Variants in GRAP2 observed in about 807,000 individuals in gnomAD.
GRAP2 encodes GRB2 related adaptor protein 2, also known as GRB2-related adapter protein 2.
In GRAP2, 31 loss-of-function variants were observed where a neutral mutation model predicts 43.5. The ratio of observed to expected loss-of-function variants is 0.71; its 90% CI spans 0.54 to 0.96. The LOEUF (loss-of-function observed/expected upper bound fraction) is 0.96, where lower values mean the gene tolerates loss of function less well. Among genes scored for constraint, GRAP2 ranks in the 40% least tolerant of loss-of-function variants. The pLI, the probability that GRAP2 is intolerant of heterozygous loss-of-function variation, is 0.00. For missense variants in GRAP2, 371 were observed against 424.4 expected (o/e 0.87, Z 1.11); for synonymous variants, 156 against 164.8 (o/e 0.95, Z 0.41).
intron 4 of GRAP2, chr22:39,964,309 A>G (rs1017527098): frequency 1.5e-6 from 1 of 679,684 alleles, no homozygotes; most frequent in Middle Eastern, 3.8e-4. Flanking sequence ...GACTGGCAAC[A>G]AAAGGTGCTG....
rs540532395 is a variant in GRAP2 at position 39,973,597 on chromosome 22, A to G, written c.*2513A>G. On this transcript the variant is annotated 3_prime_UTR_variant, in exon 8 of 8. Transcript: ENST00000344138. ...AGGAAGCGGGAAAGTCACCCAAACC[A>G]CCTACAAGGAATGAGGGCTCTTAGC... 1 of 152,362 alleles carries G rather than the reference A, an allele frequency of 6.6e-6. No homozygotes were observed. Among genetic ancestry groups the G allele is most frequent in the Non-Finnish European group, 1.5e-5 (1 of 68,072 alleles). The allele number at this position is 152,362 out of a possible 1,614,324, so 9.4% of individuals were successfully genotyped here. A position where few individuals can be genotyped will look rare whatever the true frequency, so the allele number is the denominator to read the frequency against.
chr22:39,919,284 TTACTTC>T (rs1265755263), intron 1 of GRAP2, among the ~76,000 whole-genome samples: 1 of 152,218 alleles, frequency 6.6e-6, no homozygotes, highest in Non-Finnish European at 1.5e-5. Flanking sequence ...ACTTTTCATT[TTACTTC>T]TATTTCTAAG....
intron 1 of GRAP2, among the ~76,000 whole-genome samples, chr22:39,938,334 AT>A (rs976232083): frequency 3.3e-5 from 5 of 152,246 alleles, no homozygotes; most frequent in African/African-American, 1.2e-4. Flanking sequence ...GATATAAGGG[AT>A]TTAAAAGGAC....
At chr22:39,926,532 A>G (rs2066701009) in intron 1 of GRAP2, 1 of 848,244 alleles carries the variant, frequency 1.2e-6, no homozygotes, top group African/African-American at 1.8e-5. Flanking sequence ...AGAACAAAAG[A>G]ACCTTGAGCA....
At chr22:39,927,554 T>C (rs972827374) in intron 1 of GRAP2, among the ~76,000 whole-genome samples, 3 of 152,168 alleles carry the variant, frequency 2.0e-5, no homozygotes, top group Admixed American at 6.5e-5. Context: ...CTCAAACAAA[T>C]GGTCAGGATC....
At chr22:39,931,244 C>CT (rs1294354188) in intron 1 of GRAP2, among the ~76,000 whole-genome samples, 1 of 152,144 alleles carries the variant, frequency 6.6e-6, no homozygotes, top group African/African-American at 2.4e-5. Context: ...AGCAGAAAAT[C>CT]TGAAAACGAA....
At chr22:39,911,442 G>A (rs1312980503) in intron 1 of GRAP2, among the ~76,000 whole-genome samples, 2 of 151,478 alleles carry the variant, frequency 1.3e-5, no homozygotes, top group Admixed American at 1.3e-4. Flanking sequence ...GGACTACAAA[G>A]ATCTTATAGT....
At chr22:39,907,031 T>C (rs1292086881) in intron 1 of GRAP2, among the ~76,000 whole-genome samples, 2 of 152,132 alleles carry the variant, frequency 1.3e-5, no homozygotes, top group Non-Finnish European at 2.9e-5. Context: ...CTGAAAAGGC[T>C]CTCCTCCGCT....
intron 1 of GRAP2, among the ~76,000 whole-genome samples, chr22:39,924,366 G>A (rs1213141647): frequency 6.6e-6 from 1 of 152,100 alleles, no homozygotes; most frequent in East Asian, 1.9e-4. Flanking sequence ...TCATCACCAC[G>A]GTCGTACTTT....
Position 39,915,805 on chromosome 22 carries a change from G to A in GRAP2, c.-15+14475G>A, listed in dbSNP as rs145886454. ...TGACTTTAGGGTTTAAAAAGCAGCTGGATGATATGTAAAAATTCAAGGCTC... is the reference window on the plus strand; with the variant it reads ...TGACTTTAGGGTTTAAAAAGCAGCTAGATGATATGTAAAAATTCAAGGCTC... On this transcript the variant is annotated intron_variant, in intron 1 of 7. Coordinates refer to ENST00000344138, the MANE Select transcript of GRAP2 (RefSeq NM_004810.4). Among the ~76,000 whole-genome samples the A allele has an allele frequency of 2.5e-3, 386 of 152,248 alleles. 1 individual carries two copies. Among genetic ancestry groups the A allele is most frequent in the Middle Eastern group, 6.8e-3 (2 of 294 alleles).
intron 1 of GRAP2, among the ~76,000 whole-genome samples, chr22:39,901,909 T>C (rs1411305312): frequency 6.6e-6 from 1 of 152,260 alleles, no homozygotes; most frequent in Admixed American, 6.5e-5. Context: ...TATGACTGTC[T>C]CTGGTTTAGG....
chr22:39,901,301 A>G lies in GRAP2; in HGVS notation c.-44A>G. On this transcript the variant is annotated 5_prime_UTR_variant, in exon 1 of 8. Coordinates refer to ENST00000344138, the MANE Select transcript of GRAP2 (RefSeq NM_004810.4). The stretch of plus-strand genomic sequence containing the variant: ...CTAATAACTCGGTGTCAAAGCCAAG[A>G]CATAAACTCAACCCCTTCTCTTCCA... 7.9e-7 allele frequency: 1 copy of G among 1,271,348 alleles called. No individual in the cohort carries two copies. The highest frequency in any genetic ancestry group is 1.0e-6 in the Non-Finnish European group (1 of 972,432). The allele number at this position is 1,271,348 out of a possible 1,614,324, so 78.8% of individuals were successfully genotyped here.
chr22:39,922,099 G>A (rs766747938), intron 1 of GRAP2, among the ~76,000 whole-genome samples: 4 of 152,206 alleles, frequency 2.6e-5, no homozygotes, highest in Admixed American at 6.5e-5. Context: ...TTTACTAAGT[G>A]ACTGCTGTAT....
intron 4 of GRAP2, among the ~76,000 whole-genome samples, chr22:39,961,102 C>T (rs996660023): frequency 3.0e-4 from 46 of 152,194 alleles, no homozygotes; most frequent in African/African-American, 1.1e-3. Flanking sequence ...CACACCACCA[C>T]ACCTGGCTAA....
chr22:39,954,406 T>A lies in GRAP2; in HGVS notation c.79-1413T>A, dbSNP rs1025268443. Among the ~76,000 whole-genome samples, 18 of 151,176 alleles carry A rather than the reference T, an allele frequency of 1.2e-4. No homozygotes were observed. The East Asian group carries it at 1.4e-3, about 11-fold the overall frequency. ...GTCTATATCAAAGACTTAAAAAAAATTTTTTTTTTGAGAGAGGCTTGCTCT... is the reference window on the plus strand; with the variant it reads ...GTCTATATCAAAGACTTAAAAAAAAATTTTTTTTTGAGAGAGGCTTGCTCT... On this transcript the variant is annotated intron_variant, in intron 2 of 7. Coordinates refer to ENST00000344138, the MANE Select transcript of GRAP2 (RefSeq NM_004810.4).
At chr22:39,914,357 A>G (rs951325001) in intron 1 of GRAP2, among the ~76,000 whole-genome samples, 1 of 152,122 alleles carries the variant, frequency 6.6e-6, no homozygotes, top group African/African-American at 2.4e-5. Flanking sequence ...TTTCACTGTG[A>G]CCCTCACCTA....
chr22:39,930,100 C>T (rs2066742045), intron 1 of GRAP2, among the ~76,000 whole-genome samples: 1 of 152,138 alleles, frequency 6.6e-6, no homozygotes, highest in Non-Finnish European at 1.5e-5. Context: ...ATATTTTGGA[C>T]ATATTGGGTT....
chr22:39,919,214 A>G (rs903757042), intron 1 of GRAP2, among the ~76,000 whole-genome samples: 2 of 152,198 alleles, frequency 1.3e-5, no homozygotes, highest in African/African-American at 4.8e-5. Flanking sequence ...TGGTGATTTT[A>G]TATAATTTAA....
At chr22:39,966,979 T>C (rs2067180956) in intron 5 of GRAP2, among the ~76,000 whole-genome samples, 1 of 112,632 alleles carries the variant, frequency 8.9e-6, no homozygotes, top group Admixed American at 8.4e-5. Flanking sequence ...CATAAGTAAA[T>C]TCACACATGC....
Sources: allele counts gnomAD v4.1 joint callset (sites outside exome capture counted in the v4.1 genomes callset), GRCh38; gene constraint gnomAD v4.1.1; transcripts MANE v1.5; gene names NCBI Gene and HGNC (gene_info 2026-07-23, HGNC 2026-07-21).